CDH13: variants seen among roughly 807,000 people sequenced by gnomAD.
The protein encoded by CDH13 is cadherin-13.
Under a neutral mutation model 63.8 loss-of-function variants are expected in CDH13, and 24 were observed. The observed-to-expected ratio is 0.38, with a 90% CI of 0.27 to 0.53. The LOEUF (loss-of-function observed/expected upper bound fraction) is 0.53. Among genes scored for constraint, CDH13 ranks in the 20% least tolerant of loss-of-function variants. The pLI, the probability that CDH13 is intolerant of heterozygous loss-of-function variation, is 0.85. For missense variants in CDH13, 1,049 were observed against 903.1 expected (o/e 1.16, Z -2.07); for synonymous variants, 503 against 355.3 (o/e 1.42, Z -4.67).
At chr16:83,647,041 TG>T (rs1911888627) in intron 8 of CDH13, among the ~76,000 whole-genome samples, 1 of 152,034 alleles carries the variant, frequency 6.6e-6, no homozygotes, top group South Asian at 2.1e-4. Context: ...CCAGGCGCGG[TG>T]GCTCACGCCT....
At chr16:83,539,370 C>G (rs773951987) in intron 7 of CDH13, among the ~76,000 whole-genome samples, 5 of 152,186 alleles carry the variant, frequency 3.3e-5, no homozygotes, top group Non-Finnish European at 5.9e-5. Flanking sequence ...GTCATGCTCA[C>G]TCACTTGCCA....
intron 1 of CDH13, among the ~76,000 whole-genome samples, chr16:82,704,259 G>C (rs1010204655): frequency 6.6e-6 from 1 of 152,158 alleles, no homozygotes; most frequent in Admixed American, 6.5e-5. Flanking sequence ...ACGTTGATTT[G>C]GGCATCTGTC....
intron 5 of CDH13, among the ~76,000 whole-genome samples, chr16:83,315,887 T>C (rs1313622839): frequency 6.6e-6 from 1 of 152,194 alleles, no homozygotes; most frequent in African/African-American, 2.4e-5. Context: ...GGGAGGTTAA[T>C]ATATGGGAGT....
intron 4 of CDH13, among the ~76,000 whole-genome samples, chr16:83,183,141 C>T (rs2038403300): frequency 6.6e-6 from 1 of 152,064 alleles, no homozygotes. Flanking sequence ...AACTATTCGT[C>T]TTATTTGTAT....
At chr16:83,668,078 C>A (rs1914161604) in intron 8 of CDH13, among the ~76,000 whole-genome samples, 1 of 152,208 alleles carries the variant, frequency 6.6e-6, no homozygotes, top group Admixed American at 6.5e-5. Flanking sequence ...CAGGGAAGAT[C>A]AGTCCATCCC....
intron 5 of CDH13, among the ~76,000 whole-genome samples, chr16:83,227,519 G>A (rs187800307): frequency 1.7e-4 from 26 of 152,284 alleles, no homozygotes; most frequent in Admixed American, 8.5e-4. Context: ...GTCCCATGTC[G>A]TCATGCAATG....
Position 83,630,959 on chromosome 16 carries a change from A to T in CDH13, c.1101+28365A>T, listed in dbSNP as rs1910726691. Among the ~76,000 whole-genome samples the T allele has an allele frequency of 2.0e-5, 3 of 152,158 alleles. No individual in the cohort carries two copies. The South Asian group carries it at 6.2e-4, about 31-fold the overall frequency. On this transcript the variant is annotated intron_variant, in intron 8 of 13. Transcript: ENST00000567109. ...TTTTCCTTTCACAATGCCAAGGTCAATAATATATGGCAAGCACAGTGCCTG... is the reference window on the plus strand; with the variant it reads ...TTTTCCTTTCACAATGCCAAGGTCATTAATATATGGCAAGCACAGTGCCTG...
chr16:83,329,467 C>T (rs534510542), intron 5 of CDH13, among the ~76,000 whole-genome samples: 1 of 151,712 alleles, frequency 6.6e-6, no homozygotes, highest in African/African-American at 2.4e-5. Flanking sequence ...GAACTCCTGA[C>T]CTCAGGTGAT....
chr16:82,991,813 T>C (rs1235273221), intron 2 of CDH13, among the ~76,000 whole-genome samples: 1 of 151,562 alleles, frequency 6.6e-6, no homozygotes, highest in African/African-American at 2.4e-5. Context: ...TTGAACATAG[T>C]TGAGGAAGAG....
At chr16:82,861,319 T>C (rs1343718757) in intron 2 of CDH13, among the ~76,000 whole-genome samples, 1 of 152,234 alleles carries the variant, frequency 6.6e-6, no homozygotes, top group Non-Finnish European at 1.5e-5. Context: ...CCAATCATTG[T>C]GAACTTTTGT....
At chr16:82,797,277 A>T (rs1334234505) in intron 1 of CDH13, among the ~76,000 whole-genome samples, 2 of 152,200 alleles carry the variant, frequency 1.3e-5, no homozygotes, top group Admixed American at 6.5e-5. Context: ...TTGGAGCCTC[A>T]TATGGTATGT....
chr16:83,259,170 G>A (rs746150426), intron 5 of CDH13, among the ~76,000 whole-genome samples: 2 of 152,126 alleles, frequency 1.3e-5, no homozygotes, highest in Non-Finnish European at 2.9e-5. Flanking sequence ...CTAAGAAGAT[G>A]AGTTGGAAGT....
Position 83,468,392 on chromosome 16 carries a change from C to T in CDH13, c.782-18085C>T, listed in dbSNP as rs187935538. Among the ~76,000 whole-genome samples, 548 of 152,292 alleles carry T rather than the reference C, an allele frequency of 3.6e-3. 4 individuals are homozygous for T. The highest frequency in any genetic ancestry group is 0.013 in the African/African-American group (522 of 41,560). On this transcript the variant is annotated intron_variant, in intron 6 of 13. Transcript: ENST00000567109. ...GCATATGGTAAGGAAGAGACCTCCC[C>T]TAGAGTGTCCAGGGAGCACAGCCCC...
intron 1 of CDH13, among the ~76,000 whole-genome samples, chr16:82,661,330 C>G (rs1567600245): frequency 6.6e-6 from 1 of 152,212 alleles, no homozygotes; most frequent in Non-Finnish European, 1.5e-5. Flanking sequence ...TATGCTTTTC[C>G]TAGGGATGGG....
intron 7 of CDH13, among the ~76,000 whole-genome samples, chr16:83,495,001 G>C (rs1038528325): frequency 5.9e-5 from 9 of 152,002 alleles, no homozygotes; most frequent in African/African-American, 2.2e-4. Flanking sequence ...TTTTTAAAGG[G>C]CCAAATAGTA....
chr16:83,439,061 G>A (rs1213466085), intron 6 of CDH13, among the ~76,000 whole-genome samples: 3 of 152,200 alleles, frequency 2.0e-5, no homozygotes, highest in African/African-American at 7.2e-5. Flanking sequence ...TCAGGAAAAT[G>A]TGGGTTTAAA....
At chr16:83,480,846 T>A (rs2073743608) in intron 6 of CDH13, among the ~76,000 whole-genome samples, 1 of 152,168 alleles carries the variant, frequency 6.6e-6, no homozygotes, top group South Asian at 2.1e-4. Context: ...TTCCCCAAAA[T>A]GCTAGAATTT....
At chr16:82,891,669 C>G (rs79287671) in intron 2 of CDH13, among the ~76,000 whole-genome samples, 10 of 152,262 alleles carry the variant, frequency 6.6e-5, no homozygotes, top group South Asian at 2.1e-4. Context: ...GCTGTAAATG[C>G]CAGTGACCAT....
intron 11 of CDH13, among the ~76,000 whole-genome samples, chr16:83,774,711 T>C (rs1295261174): frequency 2.0e-5 from 3 of 152,164 alleles, no homozygotes; most frequent in Admixed American, 6.5e-5. Context: ...AAAATTCCAC[T>C]TACATGGGTT....
Sources: gnomAD v4.1 joint callset for allele counts (sites outside exome capture counted in the v4.1 genomes callset) on GRCh38, gnomAD v4.1.1 for gene constraint, MANE v1.5 for transcripts, NCBI Gene and HGNC (gene_info 2026-07-23, HGNC 2026-07-21) for gene names.